ENOX1: variants seen among roughly 807,000 people sequenced by gnomAD.
ENOX1 encodes the protein candidate growth-related and time keeping constitutive hydroquinone (NADH) oxidase.
Under a neutral mutation model 82.5 loss-of-function variants are expected in ENOX1, and 42 were observed. The ratio of observed to expected loss-of-function variants is 0.51; its 90% CI spans 0.40 to 0.66. The LOEUF is 0.66. ENOX1 is among the 30% of genes least tolerant of loss of function. The pLI, the probability that ENOX1 is intolerant of heterozygous loss-of-function variation, is 0.00. For synonymous variants in ENOX1, 271 were observed against 282.2 expected (o/e 0.96, Z 0.40); for missense variants, 608 against 811.6 (o/e 0.75, Z 3.05).
rs527536825 is a variant in ENOX1 at position 43,659,637 on chromosome 13, G to A, written c.-219+7842C>T. 1.6e-4 allele frequency among the ~76,000 whole-genome samples: 25 copies of A among 152,162 alleles called. No individual in the cohort carries two copies. In the East Asian group the frequency reaches 2.5e-3, roughly 15 times the overall value. ...TGGCTGTCTGAGATATTTAAGGGCCGAGCACTAGAAGGTCCACAGAAAGGT... is the reference window on the plus strand; with the variant it reads ...TGGCTGTCTGAGATATTTAAGGGCCAAGCACTAGAAGGTCCACAGAAAGGT... On this transcript the variant is annotated intron_variant, in intron 2 of 16. Coordinates refer to ENST00000690772, the MANE Select transcript of ENOX1 (RefSeq NM_001347969.2).
At chr13:43,784,617 T>G (rs963641239) in intron 1 of ENOX1, among the ~76,000 whole-genome samples, 4 of 152,242 alleles carry the variant, frequency 2.6e-5, no homozygotes, top group Non-Finnish European at 4.4e-5. Context: ...TTAAAAATAA[T>G]TGAATTGTTC....
chr13:43,316,258 C>T (rs1253373837), intron 11 of ENOX1, among the ~76,000 whole-genome samples: 1 of 152,184 alleles, frequency 6.6e-6, no homozygotes, highest in East Asian at 1.9e-4. Context: ...TGTTTAAGAA[C>T]TTCAGCTAGG....
At chr13:43,746,016 C>G (rs1346176834) in intron 1 of ENOX1, among the ~76,000 whole-genome samples, 1 of 151,962 alleles carries the variant, frequency 6.6e-6, no homozygotes, top group Non-Finnish European at 1.5e-5. Flanking sequence ...TGAGAATGGA[C>G]TAATATAACC....
intron 2 of ENOX1, among the ~76,000 whole-genome samples, chr13:43,581,898 C>A (rs917454395): frequency 6.6e-6 from 1 of 152,150 alleles, no homozygotes; most frequent in Non-Finnish European, 1.5e-5. Flanking sequence ...AAAAAAGGAA[C>A]TATACAGAGT....
chr13:43,763,791 G>A (rs935340649), intron 1 of ENOX1, among the ~76,000 whole-genome samples: 1 of 152,192 alleles, frequency 6.6e-6, no homozygotes, highest in Non-Finnish European at 1.5e-5. Context: ...GCAATTTTGA[G>A]CTAAAGAAAA....
At chr13:43,755,839 T>C (rs1005696885) in intron 1 of ENOX1, among the ~76,000 whole-genome samples, 7 of 152,216 alleles carry the variant, frequency 4.6e-5, no homozygotes, top group Admixed American at 1.3e-4. Flanking sequence ...TTAGAGATAA[T>C]TGGACCTTAA....
At chr13:43,356,562 C>T (rs73178360) in intron 7 of ENOX1, among the ~76,000 whole-genome samples, 31,301 of 151,990 alleles carry the variant, frequency 0.21, 3,572 homozygotes, top group African/African-American at 0.3. Flanking sequence ...ATATTTTCAG[C>T]TTACTATAAT....
intron 1 of ENOX1, among the ~76,000 whole-genome samples, chr13:43,765,673 T>TA (rs1465421305): frequency 6.6e-6 from 1 of 152,142 alleles, no homozygotes; most frequent in Non-Finnish European, 1.5e-5. Context: ...AGTAAACACT[T>TA]ACGAAATAAA....
chr13:43,321,007 A>G (rs2047775298), intron 11 of ENOX1: 1 of 455,988 alleles, frequency 2.2e-6, no homozygotes, highest in Non-Finnish European at 4.4e-6. Flanking sequence ...GGAGACATAC[A>G]TCATTGACAC....
At chr13:43,585,220 G>A (rs1471074711) in intron 2 of ENOX1, among the ~76,000 whole-genome samples, 2 of 152,116 alleles carry the variant, frequency 1.3e-5, no homozygotes. Flanking sequence ...GATGGAAGGG[G>A]GCCATGAAGC....
chr13:43,634,046 A>G (rs1269635818), intron 2 of ENOX1, among the ~76,000 whole-genome samples: 1 of 152,116 alleles, frequency 6.6e-6, no homozygotes, highest in Non-Finnish European at 1.5e-5. Context: ...GTGTGTCTGT[A>G]TGTTTATTTA....
chr13:43,381,592 T>C (rs146831336), intron 5 of ENOX1, among the ~76,000 whole-genome samples: 1 of 151,740 alleles, frequency 6.6e-6, no homozygotes, highest in South Asian at 2.1e-4. Flanking sequence ...AACCAAATGC[T>C]AGTTCTTTGT....
intron 14 of ENOX1, among the ~76,000 whole-genome samples, chr13:43,261,430 C>T: frequency 6.6e-6 from 1 of 152,118 alleles, no homozygotes; most frequent in East Asian, 1.9e-4. Flanking sequence ...CCCCCAGAAA[C>T]AAATATGAGA....
intron 2 of ENOX1, among the ~76,000 whole-genome samples, chr13:43,636,943 A>G (rs1459459752): frequency 2.0e-5 from 3 of 152,238 alleles, no homozygotes; most frequent in African/African-American, 7.2e-5. Flanking sequence ...GGTTTGGAAC[A>G]TAAGTCCTGT....
chr13:43,439,231 T>C (rs892084668), intron 3 of ENOX1, among the ~76,000 whole-genome samples: 5 of 151,762 alleles, frequency 3.3e-5, no homozygotes, highest in African/African-American at 9.7e-5. Flanking sequence ...TTTTGTATTT[T>C]TTTTTTCACT....
intron 1 of ENOX1, among the ~76,000 whole-genome samples, chr13:43,712,094 T>C (rs1305689091): frequency 6.6e-6 from 1 of 151,750 alleles, no homozygotes; most frequent in Non-Finnish European, 1.5e-5. Flanking sequence ...GAATTAATTT[T>C]TGTATAAGGT....
At chr13:43,410,921 G>C (rs1489421373) in intron 5 of ENOX1, among the ~76,000 whole-genome samples, 2 of 152,158 alleles carry the variant, frequency 1.3e-5, no homozygotes, top group African/African-American at 4.8e-5. Context: ...TATAAATTCT[G>C]AGAGGGCAGA....
intron 12 of ENOX1, among the ~76,000 whole-genome samples, chr13:43,277,212 G>A (rs551795619): frequency 1.6e-4 from 25 of 152,218 alleles, no homozygotes; most frequent in South Asian, 2.1e-4. Flanking sequence ...CTTTAATCTC[G>A]TCAATATCTT....
Position 43,496,699 on chromosome 13 carries a change from C to A in ENOX1, c.-218-12547G>T, listed in dbSNP as rs116969955. 2.6e-4 allele frequency among the ~76,000 whole-genome samples: 39 copies of A among 152,162 alleles called. No homozygotes were observed. In the East Asian group the frequency reaches 7.2e-3, roughly 28 times the overall value. ...ACCCAGCCTCCATTTCTTAATGAGC[C>A]TTTCTCCTATATGTAACAAAATTGC... On this transcript the variant is annotated intron_variant, in intron 2 of 16. Coordinates refer to ENST00000690772, the MANE Select transcript of ENOX1 (RefSeq NM_001347969.2).
Sources: allele counts gnomAD v4.1 joint callset (sites outside exome capture counted in the v4.1 genomes callset), GRCh38; gene constraint gnomAD v4.1.1; transcripts MANE v1.5; gene names NCBI Gene and HGNC (gene_info 2026-07-23, HGNC 2026-07-21).